TENM2: variants seen among roughly 807,000 people sequenced by gnomAD.
The protein encoded by TENM2 is teneurin transmembrane protein 2.
Under a neutral mutation model 245.2 loss-of-function variants are expected in TENM2, and 52 were observed. The observed-to-expected ratio is 0.21, with a 90% CI of 0.17 to 0.27. The LOEUF is 0.27. Among genes scored for constraint, TENM2 ranks in the 10% least tolerant of loss-of-function variants. The pLI, the probability that TENM2 is intolerant of heterozygous loss-of-function variation, is 1.00. For missense variants in TENM2, 3,046 were observed against 3,666.8 expected (o/e 0.83, Z 4.37); for synonymous variants, 1,363 against 1,438.9 (o/e 0.95, Z 1.19).
the TENM2 span, among the ~76,000 whole-genome samples, chr5:167,258,227 G>A: frequency 1.2e-4 from 16 of 135,880 alleles, no homozygotes; most frequent in East Asian, 2.7e-4. Context: ...ATATATATAT[G>A]TGTATATATA....
the TENM2 span, among the ~76,000 whole-genome samples, chr5:167,128,344 A>G: frequency 1.3e-5 from 2 of 152,074 alleles, no homozygotes; most frequent in Non-Finnish European, 2.9e-5. Context: ...ACCTCTTGCC[A>G]CTTCCTTTAT....
At chr5:167,783,222 C>A (rs1032818039) in intron 2 of TENM2, among the ~76,000 whole-genome samples, 18 of 149,780 alleles carry the variant, frequency 1.2e-4, no homozygotes, top group African/African-American at 4.4e-4. Flanking sequence ...TTTTTTCCTC[C>A]TTCCCCCAGG....
chr5:167,905,209 C>G (rs1203591963), intron 3 of TENM2, among the ~76,000 whole-genome samples: 1 of 152,158 alleles, frequency 6.6e-6, no homozygotes, highest in Non-Finnish European at 1.5e-5. Context: ...GATGTCTATT[C>G]CATTTCCCGA....
At chr5:167,724,102 TG>T (rs1335896006) in intron 2 of TENM2, among the ~76,000 whole-genome samples, 13 of 152,322 alleles carry the variant, frequency 8.5e-5, no homozygotes, top group African/African-American at 2.6e-4. Flanking sequence ...TTGTTTCTTT[TG>T]CTTTTGCCCA....
At chr5:167,199,289 A>C in the TENM2 span, among the ~76,000 whole-genome samples, 1 of 152,050 alleles carries the variant, frequency 6.6e-6, no homozygotes, top group Non-Finnish European at 1.5e-5. Flanking sequence ...TTTCAGTAGC[A>C]CAGAGAATAA....
intron 2 of TENM2, among the ~76,000 whole-genome samples, chr5:167,607,213 C>A (rs1033821983): frequency 1.3e-5 from 2 of 152,000 alleles, no homozygotes; most frequent in African/African-American, 4.8e-5. Flanking sequence ...AGTAATAGTG[C>A]CAATATGGTG....
intron 2 of TENM2, among the ~76,000 whole-genome samples, chr5:167,436,565 G>A (rs1298293431): frequency 6.6e-6 from 1 of 152,180 alleles, no homozygotes; most frequent in Non-Finnish European, 1.5e-5. Flanking sequence ...TAAGTAACGA[G>A]GAGCCTAATG....
the TENM2 span, among the ~76,000 whole-genome samples, chr5:167,008,254 T>A: frequency 7.0e-6 from 1 of 142,770 alleles, no homozygotes; most frequent in South Asian, 2.1e-4. Context: ...ATATGACTGG[T>A]GTTTGTTTGT....
At chr5:167,971,700 AAAAC>A (rs10535717) in intron 4 of TENM2, among the ~76,000 whole-genome samples, 66,166 of 150,858 alleles carry the variant, frequency 0.44, 15,445 homozygotes, top group East Asian at 0.66. Flanking sequence ...GACTCCATCT[AAAAC>A]AAACAAACAA....
chr5:168,203,215 A>C (rs771044014), intron 17 of TENM2, among the ~76,000 whole-genome samples: 1 of 152,198 alleles, frequency 6.6e-6, no homozygotes, highest in Non-Finnish European at 1.5e-5. Flanking sequence ...TACACAAGCT[A>C]TTGCTCCCAG....
rs1422150237 is a variant in TENM2 at position 168,244,133 on chromosome 5, CA to C, written c.5521-286del. Reference sequence around the variant, plus strand: ...TATATTTTTAGTACAGACGGGGTTTCACCATGTTGGCCAGGCTGGTCTTGAA... The same window carrying C: ...TATATTTTTAGTACAGACGGGGTTTCCCATGTTGGCCAGGCTGGTCTTGAA... On this transcript the variant is annotated intron_variant, in intron 25 of 28. Coordinates refer to ENST00000518659, the Ensembl canonical transcript of TENM2. This position sits in a 1 kb window ranked among gnomAD's most constrained non-coding sequence, Gnocchi z 4.9. Among the ~76,000 whole-genome samples, 4 of 152,036 alleles carry C rather than the reference CA, an allele frequency of 2.6e-5. No homozygotes were observed. Among genetic ancestry groups the C allele is most frequent in the African/African-American group, 9.7e-5 (4 of 41,404 alleles).
intron 7 of TENM2, among the ~76,000 whole-genome samples, chr5:168,081,560 G>A (rs2152198821): frequency 6.6e-6 from 1 of 152,276 alleles, no homozygotes; most frequent in Non-Finnish European, 1.5e-5. Flanking sequence ...TTTTTGCAGT[G>A]GCTTGTACTG....
intron 25 of TENM2, among the ~76,000 whole-genome samples, chr5:168,236,027 T>C (rs1765399213): frequency 6.6e-6 from 1 of 152,184 alleles, no homozygotes; most frequent in Admixed American, 6.5e-5. Flanking sequence ...AAGAGACTTC[T>C]GCCTGTATCC....
chr5:167,670,309 A>G (rs969579028), intron 2 of TENM2, among the ~76,000 whole-genome samples: 1 of 152,198 alleles, frequency 6.6e-6, no homozygotes, highest in Non-Finnish European at 1.5e-5. Flanking sequence ...GTGTCCAGAG[A>G]TAAGTACAAA....
chr5:167,379,833 G>A (rs144924284), intron 2 of TENM2, among the ~76,000 whole-genome samples: 1 of 150,556 alleles, frequency 6.6e-6, no homozygotes, highest in East Asian at 2.0e-4. Context: ...GATATGGGAT[G>A]ATTTCTTTTC....
intron 2 of TENM2, among the ~76,000 whole-genome samples, chr5:167,724,989 T>C (rs982993927): frequency 6.6e-6 from 1 of 152,208 alleles, no homozygotes; most frequent in Admixed American, 6.5e-5. Context: ...TAAATGTCCT[T>C]TCTTTTCCAA....
intron 2 of TENM2, among the ~76,000 whole-genome samples, chr5:167,410,698 A>C: frequency 6.6e-6 from 1 of 152,110 alleles, no homozygotes; most frequent in Admixed American, 6.6e-5. Flanking sequence ...AGAATCCCTC[A>C]GAGAAATGCA....
Position 168,215,284 on chromosome 5 carries a change from C to G in TENM2, c.4078+12C>G. 3 of 1,606,300 alleles carry G rather than the reference C, an allele frequency of 1.9e-6. No homozygotes were observed. Among genetic ancestry groups the G allele is most frequent in the Non-Finnish European group, 2.6e-6 (3 of 1,173,000 alleles). ...GATGAGCCCGAGAGGTAAAGGACAT[C>G]AAGGAAGAGTCTCCCGCCCCAGATA... is the stretch of plus-strand genomic sequence containing the variant. On this transcript the variant is annotated intron_variant, in intron 21 of 28. Transcript: ENST00000518659.
At chr5:167,637,810 T>C (rs1779300025) in intron 2 of TENM2, among the ~76,000 whole-genome samples, 1 of 151,872 alleles carries the variant, frequency 6.6e-6, no homozygotes, top group Non-Finnish European at 1.5e-5. Flanking sequence ...CCGGGGCCTA[T>C]TGTGGGTTGG....
Sources: gnomAD v4.1 joint callset for allele counts (sites outside exome capture counted in the v4.1 genomes callset) on GRCh38, gnomAD v4.1.1 for gene constraint, Gnocchi (gnomAD v3.1) non-coding constraint, MANE v1.5 for transcripts, NCBI Gene and HGNC (gene_info 2026-07-23, HGNC 2026-07-21) for gene names.